HEG1: variants seen among roughly 807,000 people sequenced by gnomAD.
The protein encoded by HEG1 is heart development protein with EGF like domains 1.
In HEG1, 56 loss-of-function variants were observed where a neutral mutation model predicts 125.6. The ratio of observed to expected loss-of-function variants is 0.45; its 90% CI spans 0.36 to 0.56. The LOEUF (loss-of-function observed/expected upper bound fraction) is 0.56, where lower values mean the gene tolerates loss of function less well. Among genes scored for constraint, HEG1 ranks in the 20% least tolerant of loss-of-function variants. HEG1 has a pLI of 0.00. For missense variants in HEG1, 1,523 were observed against 1,670.0 expected, an observed-to-expected ratio of 0.91 and a Z score of 1.53; for synonymous variants, 644 against 668.5, an observed-to-expected ratio of 0.96 and a Z score of 0.57.
At chr3:125,014,161 G>A (rs75932662) in intron 5 of HEG1, among the ~76,000 whole-genome samples, 171 bp from the exon 6 acceptor site, 1 of 152,136 alleles carries the variant, frequency 6.6e-6, no homozygotes, top group East Asian at 1.9e-4. Flanking sequence ...AGACATTGTG[G>A]GCAGGCAGGA....
chr3:125,038,985 G>T (rs376473251), intron 1 of HEG1, among the ~76,000 whole-genome samples: 2 of 152,278 alleles, frequency 1.3e-5, no homozygotes, highest in African/African-American at 2.4e-5. Context: ...GATGGTCAGA[G>T]ACAATCATTC....
intron 12 of HEG1, among the ~76,000 whole-genome samples, chr3:124,997,285 C>T (rs1004740952): frequency 2.0e-5 from 3 of 152,186 alleles, no homozygotes; most frequent in Admixed American, 6.5e-5. Context: ...CGGGCTCTGA[C>T]TCTGGCCTCA....
chr3:125,045,953 A>G lies in HEG1; in HGVS notation c.316+9622T>C, dbSNP rs570820973. On this transcript the variant is annotated intron_variant, in intron 1 of 16. Coordinates refer to ENST00000311127, the MANE Select transcript of HEG1 (RefSeq NM_020733.2). ...TCACAACTAAAACATTGCTCTGTCC[A>G]GTTACAAGTGCTTTCACAGTCATAA... Among the ~76,000 whole-genome samples the G allele has an allele frequency of 2.6e-5, 4 of 152,318 alleles. No homozygotes were observed. The East Asian group carries it at 7.7e-4, about 29-fold the overall frequency.
intron 16 of HEG1, among the ~76,000 whole-genome samples, chr3:124,972,626 T>TG (rs1195785016): frequency 1.3e-5 from 2 of 152,022 alleles, no homozygotes; most frequent in Non-Finnish European, 2.9e-5. Flanking sequence ...TAAGTCCCCA[T>TG]GGGGCAAGGT....
chr3:125,026,311 C>T (rs1176608555), intron 3 of HEG1, among the ~76,000 whole-genome samples: 2 of 152,154 alleles, frequency 1.3e-5, no homozygotes, highest in African/African-American at 2.4e-5. Flanking sequence ...AAGGAAGTAA[C>T]AGACACAGCC....
chr3:125,020,238 C>A (rs1437496167), intron 4 of HEG1, among the ~76,000 whole-genome samples: 1 of 152,028 alleles, frequency 6.6e-6, no homozygotes, highest in East Asian at 1.9e-4. Flanking sequence ...CCAGCCTGGG[C>A]AACATTGCAA....
intron 14 of HEG1, among the ~76,000 whole-genome samples, chr3:124,982,416 T>C (rs1032492396): frequency 6.6e-5 from 10 of 152,224 alleles, no homozygotes; most frequent in African/African-American, 2.2e-4. Flanking sequence ...AATATTTAGG[T>C]GAGACAGAGG....
At chr3:125,025,849 C>T (rs968140928) in intron 3 of HEG1, among the ~76,000 whole-genome samples, 1 of 152,170 alleles carries the variant, frequency 6.6e-6, no homozygotes, top group Non-Finnish European at 1.5e-5. Context: ...CTTCTAAAAA[C>T]ATGAATCATG....
intron 1 of HEG1, among the ~76,000 whole-genome samples, chr3:125,033,207 C>G (rs1294561530): frequency 1.3e-5 from 2 of 152,114 alleles, no homozygotes; most frequent in African/African-American, 4.8e-5. Context: ...AGTAAAGAAT[C>G]AAATCTGAGG....
intron 1 of HEG1, among the ~76,000 whole-genome samples, chr3:125,052,198 A>C (rs1579443349): frequency 1.1e-5 from 1 of 93,120 alleles, no homozygotes; most frequent in Middle Eastern, 8.2e-3. Context: ...AGGAATCCCC[A>C]CTACCACCAC....
chr3:124,969,712 T>G lies in HEG1; in HGVS notation c.*940A>C, dbSNP rs1382578688. On this transcript the variant is annotated 3_prime_UTR_variant, in exon 17 of 17. Transcript: ENST00000311127. ...ATCCAGCTGCAGGGGCTCAACAAGC[T>G]GCTTTCCTAGAGTGGTGAAACCTGC... The G allele has an allele frequency of 1.3e-5, 2 of 152,284 alleles. No homozygotes were observed. The highest frequency in any genetic ancestry group is 2.9e-5 in the Non-Finnish European group (2 of 68,118). The allele number at this position is 152,284 out of a possible 1,614,324, so 9.4% of individuals were successfully genotyped here.
intron 11 of HEG1, 88 bp from the exon 12 acceptor site, chr3:124,997,911 C>CT: frequency 7.5e-7 from 1 of 1,340,176 alleles, no homozygotes; most frequent in Non-Finnish European, 9.9e-7. Flanking sequence ...GCTCATGTGT[C>CT]TGCATGAACT....
intron 14 of HEG1, among the ~76,000 whole-genome samples, chr3:124,984,230 C>T (rs748567856): frequency 5.3e-5 from 8 of 152,114 alleles, no homozygotes; most frequent in Non-Finnish European, 1.0e-4. Context: ...TCTGGCTTCA[C>T]GGGAAGAGGG....
intron 14 of HEG1, among the ~76,000 whole-genome samples, chr3:124,981,097 C>T (rs1458309701): frequency 6.6e-6 from 1 of 151,972 alleles, no homozygotes; most frequent in Non-Finnish European, 1.5e-5. Context: ...CCCTGGCCTC[C>T]CAAAGTGCTG....
intron 1 of HEG1, among the ~76,000 whole-genome samples, chr3:125,042,584 G>A (rs1443683513): frequency 6.6e-6 from 1 of 152,238 alleles, no homozygotes; most frequent in Non-Finnish European, 1.5e-5. Flanking sequence ...TGCTTCTGGG[G>A]TGTGAGAACG....
intron 3 of HEG1, among the ~76,000 whole-genome samples, chr3:125,024,098 T>G (rs1937379372): frequency 6.6e-6 from 1 of 152,204 alleles, no homozygotes; most frequent in Non-Finnish European, 1.5e-5. Context: ...CAGAAATACT[T>G]TCATAAGTTG....
chr3:124,979,699 C>T (rs1042738303), intron 14 of HEG1, among the ~76,000 whole-genome samples: 3 of 151,970 alleles, frequency 2.0e-5, no homozygotes, highest in African/African-American at 7.3e-5. Flanking sequence ...TTTGGGAGGC[C>T]GAGGCAGGCA....
chr3:124,970,737 G>A lies in HEG1; in HGVS notation c.4061C>T (p.Pro1354Leu), dbSNP rs777043322. Reference sequence around the variant, plus strand: ...GAAAATGCAAGAATGCCGTGATCCTGGCAGTCCAGTGTAGGCCGGGTAGAG... The same window carrying A: ...GAAAATGCAAGAATGCCGTGATCCTAGCAGTCCAGTGTAGGCCGGGTAGAG... ...NGLYPAYTGL[P>L]GSRHSCIFPG... Residue 1354 changes from proline (P) to leucine (L), a missense_variant, in exon 17 of 17, where the codon CCA becomes CTA. Transcript: ENST00000311127. 1.2e-6 allele frequency: 2 copies of A among 1,610,448 alleles called. No homozygotes were observed. Among genetic ancestry groups the A allele is most frequent in the South Asian group, 1.1e-5 (1 of 89,976 alleles).
chr3:125,051,031 CA>C (rs779491179), intron 1 of HEG1, among the ~76,000 whole-genome samples: 3 of 152,244 alleles, frequency 2.0e-5, no homozygotes, highest in African/African-American at 4.8e-5. Flanking sequence ...GCCACTGCTC[CA>C]CGTTCCCAGG....
Sources: gnomAD v4.1 joint callset for allele counts (sites outside exome capture counted in the v4.1 genomes callset) on GRCh38, gnomAD v4.1.1 for gene constraint, MANE v1.5 for transcripts, NCBI Gene and HGNC (gene_info 2026-07-23, HGNC 2026-07-21) for gene names.